Variants in GRID2 observed in about 807,000 individuals in gnomAD.
The protein encoded by GRID2 is glutamate ionotropic receptor delta type subunit 2, also known as glutamate receptor ionotropic, delta-2.
GRID2 carries 33 observed loss-of-function variants against 114.8 expected under a neutral mutation model. The ratio of observed to expected loss-of-function variants is 0.29; its 90% CI spans 0.22 to 0.38. GRID2 has a LOEUF of 0.38. GRID2 is among the 10% of genes least tolerant of loss of function. GRID2 has a pLI of 1.00. For missense variants in GRID2, 1,184 were observed against 1,257.7 expected (o/e 0.94, Z 0.89); for synonymous variants, 505 against 449.9 (o/e 1.12, Z -1.55).
intron 8 of GRID2, among the ~76,000 whole-genome samples, chr4:93,331,124 T>TA (rs1384887364): frequency 6.9e-6 from 1 of 145,656 alleles, no homozygotes; most frequent in Non-Finnish European, 1.5e-5. Flanking sequence ...TGCTGCTATC[T>TA]AACCCCCCCC....
intron 13 of GRID2, among the ~76,000 whole-genome samples, chr4:93,610,633 T>C (rs547266096): frequency 1.4e-4 from 4 of 28,978 alleles, no homozygotes; most frequent in African/African-American, 5.5e-4. Context: ...TTTGCGTATA[T>C]TGAACCAGCC....
chr4:93,688,303 T>C (rs1432317525), intron 14 of GRID2, among the ~76,000 whole-genome samples: 1 of 151,940 alleles, frequency 6.6e-6, no homozygotes, highest in East Asian at 1.9e-4. Flanking sequence ...TTACCACCTG[T>C]ACACCTGAAC....
chr4:93,023,565 T>A (rs1397302449), intron 2 of GRID2, among the ~76,000 whole-genome samples: 1 of 151,930 alleles, frequency 6.6e-6, no homozygotes, highest in Non-Finnish European at 1.5e-5. Flanking sequence ...ATGTAATTTT[T>A]AAAAGAGAAA....
At chr4:93,675,461 A>T (rs1235786318) in intron 14 of GRID2, among the ~76,000 whole-genome samples, 1 of 152,200 alleles carries the variant, frequency 6.6e-6, no homozygotes, top group Non-Finnish European at 1.5e-5. Flanking sequence ...GATAGCTAAG[A>T]TTTATTAAAC....
intron 2 of GRID2, among the ~76,000 whole-genome samples, chr4:92,972,203 A>ATTTTTTT (rs748827964): frequency 1.4e-5 from 2 of 140,382 alleles, no homozygotes; most frequent in Non-Finnish European, 1.6e-5. Context: ...CTTTGCTAGC[A>ATTTTTTT]TTTTTTTTTT....
intron 2 of GRID2, among the ~76,000 whole-genome samples, chr4:92,652,821 A>G (rs1732012936): frequency 7.2e-6 from 1 of 138,986 alleles, no homozygotes; most frequent in East Asian, 2.2e-4. Context: ...ATATATATAT[A>G]TAAATATATA....
intron 14 of GRID2, among the ~76,000 whole-genome samples, chr4:93,739,438 T>C (rs2110247544): frequency 6.6e-6 from 1 of 152,104 alleles, no homozygotes; most frequent in African/African-American, 2.4e-5. Context: ...TTCCTCAAAC[T>C]GCAGGGCCCA....
intron 1 of GRID2, among the ~76,000 whole-genome samples, chr4:92,449,697 A>ATT: frequency 7.0e-6 from 1 of 142,456 alleles, no homozygotes; most frequent in Non-Finnish European, 1.5e-5. Context: ...ATATATATAT[A>ATT]TATATATATA....
chr4:92,318,403 G>A (rs1726122572), intron 1 of GRID2, among the ~76,000 whole-genome samples: 1 of 148,322 alleles, frequency 6.7e-6, no homozygotes, highest in African/African-American at 2.5e-5. Flanking sequence ...TTTAGTTAGG[G>A]AATAAGTTGT....
chr4:93,299,288 G>A (rs182247463), intron 8 of GRID2, among the ~76,000 whole-genome samples: 2 of 152,226 alleles, frequency 1.3e-5, no homozygotes, highest in East Asian at 3.9e-4. Flanking sequence ...ACATATAAAT[G>A]CAGTAGAAAG....
chr4:92,768,765 T>G (rs1023823662), intron 2 of GRID2, among the ~76,000 whole-genome samples: 2 of 152,026 alleles, frequency 1.3e-5, no homozygotes, highest in South Asian at 4.1e-4. Flanking sequence ...AACCATCAGA[T>G]CTCATGAGAT....
At chr4:93,548,277 A>G (rs931513175) in intron 13 of GRID2, among the ~76,000 whole-genome samples, 3 of 152,196 alleles carry the variant, frequency 2.0e-5, no homozygotes, top group African/African-American at 7.2e-5. Flanking sequence ...TCTTTGAAGA[A>G]AACAATGTCT....
At chr4:92,350,607 C>T (rs1412930296) in intron 1 of GRID2, among the ~76,000 whole-genome samples, 2 of 151,652 alleles carry the variant, frequency 1.3e-5, no homozygotes, top group African/African-American at 4.8e-5. Context: ...TTCCTTCCTT[C>T]TTCCCTTCTA....
Position 93,758,153 on chromosome 4 carries a change from C to T in GRID2, c.2361-11057C>T, listed in dbSNP as rs147621108. Among the ~76,000 whole-genome samples the T allele has an allele frequency of 9.2e-3, 1,407 of 152,166 alleles. 11 individuals carry two copies. The highest frequency in any genetic ancestry group is 0.017 in the Middle Eastern group (5 of 294). On this transcript the variant is annotated intron_variant, in intron 14 of 15. Coordinates refer to ENST00000282020, the MANE Select transcript of GRID2 (RefSeq NM_001510.4). ...CTCTACTAAAAAAAGAAAATTGAAG[C>T]ACTTCATTTCAGAGCTGTAATAATG... is the stretch of plus-strand genomic sequence containing the variant.
At chr4:93,291,840 A>AAT (rs1287488876) in intron 8 of GRID2, among the ~76,000 whole-genome samples, 3 of 152,050 alleles carry the variant, frequency 2.0e-5, no homozygotes, top group Non-Finnish European at 4.4e-5. Flanking sequence ...GATGTTTTGA[A>AAT]ATATATATAT....
intron 2 of GRID2, among the ~76,000 whole-genome samples, chr4:92,868,050 TTCTTTCTTTCTTTCTTTCTG>T (rs1299552476): frequency 3.5e-5 from 5 of 140,994 alleles, no homozygotes; most frequent in East Asian, 2.1e-4. Flanking sequence ...CTTTCTTTCT[TTCTTTCTTTCTTTCTTTCTG>T]TCTGTCTGTC....
chr4:93,298,988 CTAAAA>C (rs1754593762), intron 8 of GRID2, among the ~76,000 whole-genome samples: 1 of 151,720 alleles, frequency 6.6e-6, no homozygotes, highest in Non-Finnish European at 1.5e-5. Flanking sequence ...ATGAAATAGG[CTAAAA>C]TAAAATAAAC....
intron 1 of GRID2, among the ~76,000 whole-genome samples, chr4:92,415,514 T>C (rs181021238): frequency 6.6e-6 from 1 of 151,588 alleles, no homozygotes; most frequent in East Asian, 2.0e-4. Flanking sequence ...TATCATTCTT[T>C]AGGTTTAGCA....
chr4:93,727,715 G>A (rs1449865707), intron 14 of GRID2, among the ~76,000 whole-genome samples: 5 of 152,158 alleles, frequency 3.3e-5, no homozygotes, highest in Admixed American at 1.3e-4. Flanking sequence ...TTAGTCTTGG[G>A]AGAGTGTATG....
Sources: gnomAD v4.1 joint callset for allele counts (sites outside exome capture counted in the v4.1 genomes callset) on GRCh38, gnomAD v4.1.1 for gene constraint, MANE v1.5 for transcripts, NCBI Gene and HGNC (gene_info 2026-07-23, HGNC 2026-07-21) for gene names.